Variants in NUDC observed in about 807,000 individuals in gnomAD.
NUDC encodes the protein nuclear migration protein nudC.
NUDC carries 14 observed loss-of-function variants against 45.0 expected under a neutral mutation model. The ratio of observed to expected loss-of-function variants is 0.31; its 90% CI spans 0.21 to 0.49. NUDC has a LOEUF of 0.49. Among genes scored for constraint, NUDC ranks in the 20% least tolerant of loss-of-function variants. NUDC has a pLI of 0.99. For missense variants in NUDC, 323 were observed against 426.2 expected (o/e 0.76, Z 2.13); for synonymous variants, 153 against 156.7 (o/e 0.98, Z 0.17).
At chr1:26,938,985 A>G (rs993684224) in intron 2 of NUDC, among the ~76,000 whole-genome samples, 2 of 152,168 alleles carry the variant, frequency 1.3e-5, no homozygotes, top group Non-Finnish European at 2.9e-5. Flanking sequence ...CTAGGCAAAG[A>G]ACAACACATG....
chr1:26,930,245 A>G (rs1049043174), intron 2 of NUDC, among the ~76,000 whole-genome samples: 1 of 152,078 alleles, frequency 6.6e-6, no homozygotes. Context: ...ATCATGATTC[A>G]CTGCAGCCAT....
At position 26,912,711 on chromosome 1, in the gene NUDC, A is replaced by C. The variant is rs190183214; in HGVS notation, c.93+1476A>C. Reference sequence around the variant, plus strand: ...TACGCCCCTTTCAGTCATCTCTTCTATGTGATCTTTCTGAACCCACAGAGG... The same window carrying C: ...TACGCCCCTTTCAGTCATCTCTTCTCTGTGATCTTTCTGAACCCACAGAGG... On this transcript the variant is annotated intron_variant, in intron 3 of 6. Coordinates refer to the NUDC transcript ENST00000435827. Among the ~76,000 whole-genome samples the C allele has an allele frequency of 4.0e-3, 604 of 152,008 alleles. 4 individuals are homozygous for C. The highest frequency in any genetic ancestry group is 0.01 in the Middle Eastern group (3 of 294).
At chr1:26,926,746 A>C (rs2082135972) in intron 2 of NUDC, among the ~76,000 whole-genome samples, 1 of 151,986 alleles carries the variant, frequency 6.6e-6, no homozygotes, top group Non-Finnish European at 1.5e-5. Flanking sequence ...GATTACAGGC[A>C]TGCACCACCA....
intron 2 of NUDC, among the ~76,000 whole-genome samples, chr1:26,935,323 T>C (rs906183227): frequency 6.6e-6 from 1 of 152,174 alleles, no homozygotes; most frequent in Non-Finnish European, 1.5e-5. Flanking sequence ...TCTAGGGTAT[T>C]CCTTCATAGC....
At chr1:26,911,227 T>C in exon 3 of NUDC, 1 of 465,430 alleles carries the variant, frequency 2.1e-6, no homozygotes, top group Non-Finnish European at 4.5e-6. Flanking sequence ...TGATTGGGCT[T>C]TCACTGTGGT....
intron 2 of NUDC, among the ~76,000 whole-genome samples, chr1:26,938,123 C>T (rs2082249068): frequency 6.6e-6 from 1 of 152,062 alleles, no homozygotes; most frequent in Non-Finnish European, 1.5e-5. Flanking sequence ...GGCTGTGGTT[C>T]CCAAAGATGT....
chr1:26,927,691 C>A (rs1339706280), intron 2 of NUDC, among the ~76,000 whole-genome samples: 1 of 151,984 alleles, frequency 6.6e-6, no homozygotes, highest in Non-Finnish European at 1.5e-5. Flanking sequence ...CCACTGCGCC[C>A]AGCCCCTAAT....
At chr1:26,903,809 G>A (rs925197207) in intron 2 of NUDC, among the ~76,000 whole-genome samples, 1 of 151,900 alleles carries the variant, frequency 6.6e-6, no homozygotes, top group East Asian at 1.9e-4. Flanking sequence ...AGGAGATTGA[G>A]ACCATCCTGG....
At chr1:26,913,450 T>C in intron 3 of NUDC, 3 of 1,614,100 alleles carry the variant, frequency 1.9e-6, no homozygotes, top group Non-Finnish European at 2.5e-6. Flanking sequence ...GGCATATTCC[T>C]TGGGGCTAAG....
chr1:26,922,197 A>C (rs2082097314), intron 1 of NUDC: 1 of 539,554 alleles, frequency 1.9e-6, no homozygotes, highest in South Asian at 2.1e-5. Flanking sequence ...ATATGCCCCC[A>C]CCCCCGTTTC....
chr1:26,917,662 C>T (rs1268352860), upstream of NUDC, among the ~76,000 whole-genome samples: 1 of 151,514 alleles, frequency 6.6e-6, no homozygotes, highest in African/African-American at 2.4e-5. Flanking sequence ...CTGAGGTGGC[C>T]GGATCACTTG....
chr1:26,905,218 T>G (rs1177195642), intron 2 of NUDC, among the ~76,000 whole-genome samples: 2 of 133,612 alleles, frequency 1.5e-5, no homozygotes, highest in Non-Finnish European at 3.2e-5. Context: ...TGGAGTGCAA[T>G]GGCACCATCT....
At chr1:26,929,274 T>TA (rs1310478905) in intron 2 of NUDC, among the ~76,000 whole-genome samples, 2 of 151,720 alleles carry the variant, frequency 1.3e-5, no homozygotes, top group South Asian at 2.1e-4. Context: ...AGTACAATAA[T>TA]AAAAAAATAT....
chr1:26,944,668 G>T (rs2082304767), intron 6 of NUDC, among the ~76,000 whole-genome samples: 1 of 152,054 alleles, frequency 6.6e-6, no homozygotes, highest in Non-Finnish European at 1.5e-5. Context: ...TGGGCATGGT[G>T]GTGGGCGCCT....
intron 2 of NUDC, among the ~76,000 whole-genome samples, chr1:26,941,040 G>C (rs2082272019): frequency 6.8e-6 from 1 of 148,064 alleles, no homozygotes; most frequent in African/African-American, 2.5e-5. Flanking sequence ...TCCCACCTCA[G>C]CTTCTCGAGT....
chr1:26,925,807 C>T (rs1243646048), intron 2 of NUDC, among the ~76,000 whole-genome samples: 2 of 150,946 alleles, frequency 1.3e-5, no homozygotes, highest in African/African-American at 4.9e-5. Flanking sequence ...CCACAACCTC[C>T]GCCTTGCGAG....
At chr1:26,919,952 C>T (rs2082080510), upstream of NUDC, among the ~76,000 whole-genome samples, 3 of 152,208 alleles carry the variant, frequency 2.0e-5, no homozygotes, top group South Asian at 6.2e-4. Flanking sequence ...AGGCCCTGCC[C>T]TCAAGAGCCC....
rs1440639338 is a variant in NUDC at position 26,913,855 on chromosome 1, A to G, written c.93+2620A>G. 6.6e-7 allele frequency: 1 copy of G among 1,507,604 alleles called. No homozygotes were observed. The allele number at this position is 1,507,604 out of a possible 1,614,324, so 93.4% of individuals were successfully genotyped here. Reference sequence around the variant, plus strand: ...GCTACGGGGTCGGGGGACAGCCTTGAGGCTGGAGCTCAGAAGTGCGTAGAG... The same window carrying G: ...GCTACGGGGTCGGGGGACAGCCTTGGGGCTGGAGCTCAGAAGTGCGTAGAG... On this transcript the variant is annotated intron_variant, in intron 3 of 6. Coordinates refer to the NUDC transcript ENST00000435827.
chr1:26,904,278 C>T (rs2081993508), intron 2 of NUDC, among the ~76,000 whole-genome samples: 1 of 150,946 alleles, frequency 6.6e-6, no homozygotes, highest in Non-Finnish European at 1.5e-5. Context: ...GGCCATTCTC[C>T]TGCCTCAGCC....
Sources: allele counts gnomAD v4.1 joint callset (sites outside exome capture counted in the v4.1 genomes callset), GRCh38; gene constraint gnomAD v4.1.1; transcripts MANE v1.5; gene names NCBI Gene and HGNC (gene_info 2026-07-23, HGNC 2026-07-21).